CCDC60: variants seen among roughly 807,000 people sequenced by gnomAD.
CCDC60 encodes the protein coiled-coil domain containing 60.
CCDC60 carries 54 observed loss-of-function variants against 63.5 expected under a neutral mutation model. The observed-to-expected ratio is 0.85, with a 90% CI of 0.68 to 1.07. The LOEUF is 1.07. CCDC60 is among the 50% of genes least tolerant of loss of function. The pLI is 0.00. For synonymous variants in CCDC60, 206 were observed against 238.8 expected (o/e 0.86, Z 1.27); for missense variants, 651 against 684.3 (o/e 0.95, Z 0.54).
rs1953050519 is a variant in CCDC60, at chr12:119,537,849, T to TAAAA, written c.1552-2765_1552-2764insAAAA. ...CAGTTGGCCCCTACTGGGAGGTGTC[T>TAAAA]CCCAGTGAAGCTACATGGGGGTCAG... On this transcript the variant is annotated intron_variant, in intron 13 of 13. Transcript: ENST00000327554. 4.6e-5 allele frequency among the ~76,000 whole-genome samples: 7 copies of TAAAA among 152,294 alleles called. No individual in the cohort carries two copies. The South Asian group carries it at 1.5e-3, about 32-fold the overall frequency.
intron 1 of CCDC60, among the ~76,000 whole-genome samples, chr12:119,386,362 C>A (rs576189662): frequency 3.6e-4 from 55 of 152,182 alleles, no homozygotes; most frequent in African/African-American, 1.2e-3. Flanking sequence ...TAAGTGATAC[C>A]CTTAGAGAAG....
chr12:119,527,971 A>G (rs1449609382), intron 11 of CCDC60, among the ~76,000 whole-genome samples: 2 of 151,914 alleles, frequency 1.3e-5, no homozygotes, highest in Non-Finnish European at 2.9e-5. Context: ...TGCGCCCGGC[A>G]TCTCAGAGAC....
At chr12:119,347,315 G>C (rs1955607716) in intron 1 of CCDC60, among the ~76,000 whole-genome samples, 2 of 152,066 alleles carry the variant, frequency 1.3e-5, no homozygotes, top group African/African-American at 4.8e-5. Context: ...CTGAAATGTT[G>C]ATAATCGTAA....
chr12:119,511,537 T>G (rs753389160), intron 7 of CCDC60, among the ~76,000 whole-genome samples: 5 of 152,200 alleles, frequency 3.3e-5, no homozygotes, highest in Non-Finnish European at 7.3e-5. Flanking sequence ...CCATCTCATG[T>G]TTCCCTTCAA....
At chr12:119,440,544 A>G (rs971786375) in intron 2 of CCDC60, among the ~76,000 whole-genome samples, 2 of 152,132 alleles carry the variant, frequency 1.3e-5, no homozygotes, top group African/African-American at 4.8e-5. Flanking sequence ...TAAATAAACA[A>G]ATAAATGTAA....
intron 5 of CCDC60, among the ~76,000 whole-genome samples, chr12:119,498,669 G>A (rs1464356134): frequency 6.6e-6 from 1 of 152,130 alleles, no homozygotes; most frequent in African/African-American, 2.4e-5. Flanking sequence ...CTAGGCGAGA[G>A]CTAGACAAAT....
intron 13 of CCDC60, among the ~76,000 whole-genome samples, chr12:119,534,889 T>C (rs1185313155): frequency 1.3e-5 from 2 of 152,110 alleles, no homozygotes; most frequent in African/African-American, 4.8e-5. Context: ...TTTTTTTGTT[T>C]TGTCTCTGTC....
At chr12:119,538,644 A>G (rs1430669450) in intron 13 of CCDC60, among the ~76,000 whole-genome samples, 1 of 152,176 alleles carries the variant, frequency 6.6e-6, no homozygotes, top group East Asian at 1.9e-4. Flanking sequence ...ATGCTCCTTT[A>G]GCTCAGAGGA....
At chr12:119,338,789 C>G (rs1486707782) in intron 1 of CCDC60, among the ~76,000 whole-genome samples, 1 of 152,106 alleles carries the variant, frequency 6.6e-6, no homozygotes. Context: ...TGAGGAGTGG[C>G]CTCTCCCGGG....
intron 7 of CCDC60, among the ~76,000 whole-genome samples, chr12:119,512,039 T>C (rs1216609524): frequency 2.0e-5 from 3 of 152,188 alleles, no homozygotes; most frequent in African/African-American, 7.2e-5. Flanking sequence ...AATGCTGACA[T>C]TTATCACAGC....
chr12:119,471,899 C>A, intron 2 of CCDC60, 95 bp from the exon 3 acceptor site: 3 of 955,274 alleles, frequency 3.1e-6, no homozygotes, highest in Non-Finnish European at 1.5e-6. Flanking sequence ...TTTTCTCTTT[C>A]CTCTCTCTCT....
intron 2 of CCDC60, among the ~76,000 whole-genome samples, chr12:119,444,100 T>C (rs1950495903): frequency 6.6e-6 from 1 of 152,206 alleles, no homozygotes; most frequent in African/African-American, 2.4e-5. Context: ...CTCATTCCTG[T>C]CTGATGGGAA....
At chr12:119,336,675 A>G (rs1221620035) in intron 1 of CCDC60, among the ~76,000 whole-genome samples, 1 of 152,182 alleles carries the variant, frequency 6.6e-6, no homozygotes, top group African/African-American at 2.4e-5. Context: ...CCTTGTGTCT[A>G]TGAATTTAGA....
chr12:119,489,853 G>A (rs993079391), intron 5 of CCDC60, among the ~76,000 whole-genome samples: 6 of 151,274 alleles, frequency 4.0e-5, no homozygotes, highest in South Asian at 2.1e-4. Context: ...GCCAGAGTAC[G>A]GTGACGCAAT....
chr12:119,502,529 A>G (rs1951880390), intron 6 of CCDC60, among the ~76,000 whole-genome samples: 1 of 152,234 alleles, frequency 6.6e-6, no homozygotes, highest in Admixed American at 6.5e-5. Context: ...AAGGCAAGCC[A>G]GTGCCTGTCA....
intron 2 of CCDC60, among the ~76,000 whole-genome samples, chr12:119,464,577 A>G (rs186583398): frequency 5.3e-5 from 8 of 152,162 alleles, no homozygotes; most frequent in African/African-American, 1.9e-4. Context: ...AACCTTAAAA[A>G]CTGACTTCTT....
At chr12:119,426,938 G>A (rs1474635693) in intron 1 of CCDC60, among the ~76,000 whole-genome samples, 1 of 152,134 alleles carries the variant, frequency 6.6e-6, no homozygotes, top group Non-Finnish European at 1.5e-5. Context: ...AGGCACCATA[G>A]CCCAATTTCA....
In CCDC60 at chr12:119,507,608, A is replaced by ATTT. The variant is rs1483859938; in HGVS notation, c.883+2306_883+2307insTTT. On this transcript the variant is annotated intron_variant, in intron 7 of 13. Transcript: ENST00000327554. ...TATATATACATATATATATATATAT[A>ATTT]TATATATTTTTTTTTTTTTTTTCTA... is the stretch of plus-strand genomic sequence containing the variant. Among the ~76,000 whole-genome samples the ATTT allele has an allele frequency of 3.3e-4, 9 of 27,572 alleles. 2 individuals are homozygous for ATTT. The highest frequency in any genetic ancestry group is 1.5e-3 in the African/African-American group (9 of 6,034). The allele number at this position is 27,572 out of a possible 152,430, so 18.1% of individuals were successfully genotyped here. A position where few individuals can be genotyped will look rare whatever the true frequency, so the allele number is the denominator to read the frequency against.
Position 119,456,001 on chromosome 12 carries a change from G to GAAAA in CCDC60, c.171-15992_171-15991insAAAA, listed in dbSNP as rs747663726. 5.9e-5 allele frequency among the ~76,000 whole-genome samples: 3 copies of GAAAA among 51,120 alleles called. No individual in the cohort carries two copies. Among genetic ancestry groups the GAAAA allele is most frequent in the South Asian group, 2.2e-3 (2 of 916 alleles). The allele number at this position is 51,120 out of a possible 152,430, so 33.5% of individuals were successfully genotyped here. A position where few individuals can be genotyped will look rare whatever the true frequency, so the allele number is the denominator to read the frequency against. ...AGGGAGAGAGAAAGAGAGAGAGAAA[G>GAAAA]AGAAAGAAAGAAAGAAAGAAAGAAA... On this transcript the variant is annotated intron_variant, in intron 2 of 13. Transcript: ENST00000327554. This position sits in a 1 kb window ranked among gnomAD's most constrained non-coding sequence, Gnocchi z 4.6.
Sources: allele counts gnomAD v4.1 joint callset (sites outside exome capture counted in the v4.1 genomes callset), GRCh38; gene constraint gnomAD v4.1.1; non-coding constraint Gnocchi (gnomAD v3.1); transcripts MANE v1.5; gene names NCBI Gene and HGNC (gene_info 2026-07-23, HGNC 2026-07-21).